NOL4: variants seen among roughly 807,000 people sequenced by gnomAD.
The protein encoded by NOL4 is cancer/testis antigen 125.
A neutral mutation model predicts 75.9 loss-of-function variants in NOL4; 17 were observed. The ratio of observed to expected loss-of-function variants is 0.22; its 90% CI spans 0.15 to 0.34. The LOEUF (loss-of-function observed/expected upper bound fraction) is 0.34. Ranked by LOEUF, NOL4 falls within the 10% of genes least tolerant of loss-of-function variation. NOL4 has a pLI of 1.00. For synonymous variants in NOL4, 292 were observed against 289.9 expected (o/e 1.01, Z -0.07); for missense variants, 614 against 793.5 (o/e 0.77, Z 2.72).
At chr18:34,144,980 A>G (rs2081339026) in intron 1 of NOL4, among the ~76,000 whole-genome samples, 1 of 152,094 alleles carries the variant, frequency 6.6e-6, no homozygotes, top group Non-Finnish European at 1.5e-5. Context: ...ACCATTATGG[A>G]GTAGATCACT....
intron 5 of NOL4, among the ~76,000 whole-genome samples, chr18:34,086,409 C>G (rs2145458308): frequency 6.6e-6 from 1 of 152,244 alleles, no homozygotes; most frequent in East Asian, 1.9e-4. Context: ...ACAACATAAT[C>G]TCTCCAGGGA....
chr18:33,929,187 TAGA>T (rs1454147463), intron 9 of NOL4, among the ~76,000 whole-genome samples: 1 of 152,184 alleles, frequency 6.6e-6, no homozygotes, highest in African/African-American at 2.4e-5. Flanking sequence ...CATAAGGACA[TAGA>T]AGACCCCTGC....
intron 10 of NOL4, among the ~76,000 whole-genome samples, chr18:33,880,240 T>C (rs2064180283): frequency 1.3e-5 from 2 of 151,952 alleles, no homozygotes; most frequent in Admixed American, 6.6e-5. Context: ...TGTGGTAGAG[T>C]TAGCTAATAC....
At chr18:34,034,032 G>C in intron 5 of NOL4, among the ~76,000 whole-genome samples, 1 of 152,110 alleles carries the variant, frequency 6.6e-6, no homozygotes, top group East Asian at 1.9e-4. Context: ...CTCCCTACGA[G>C]AAATGCTCAA....
chr18:34,040,327 T>A (rs2076087287), intron 5 of NOL4, among the ~76,000 whole-genome samples: 1 of 151,888 alleles, frequency 6.6e-6, no homozygotes, highest in Non-Finnish European at 1.5e-5. Flanking sequence ...ATACTTCACA[T>A]GAATATGTAA....
At chr18:34,118,816 A>T (rs116264497) in intron 2 of NOL4, among the ~76,000 whole-genome samples, 34 of 152,286 alleles carry the variant, frequency 2.2e-4, no homozygotes, top group African/African-American at 7.9e-4. Flanking sequence ...ATGAAAAAGG[A>T]TTAGCAGTGT....
At chr18:33,997,171 G>C (rs955847482) in intron 6 of NOL4, among the ~76,000 whole-genome samples, 2 of 151,906 alleles carry the variant, frequency 1.3e-5, no homozygotes, top group Non-Finnish European at 2.9e-5. Flanking sequence ...CAAAGCGGAT[G>C]TCCAGAAGGG....
At chr18:33,946,709 G>A (rs1317533310) in intron 8 of NOL4, among the ~76,000 whole-genome samples, 3 of 151,694 alleles carry the variant, frequency 2.0e-5, no homozygotes, top group Non-Finnish European at 3.0e-5. Flanking sequence ...AATGGTTGAA[G>A]TCCTTTAATA....
At chr18:33,929,364 A>G (rs905515249) in intron 9 of NOL4, among the ~76,000 whole-genome samples, 5 of 152,142 alleles carry the variant, frequency 3.3e-5, no homozygotes, top group Non-Finnish European at 5.9e-5. Context: ...TTCATTAATC[A>G]AAAGGTCTGC....
intron 4 of NOL4, among the ~76,000 whole-genome samples, chr18:34,099,951 C>T (rs920746291): frequency 1.3e-5 from 2 of 151,824 alleles, no homozygotes; most frequent in Non-Finnish European, 2.9e-5. Flanking sequence ...TTTTCCTGGT[C>T]AATTCACTCC....
intron 10 of NOL4, among the ~76,000 whole-genome samples, chr18:33,880,776 T>A (rs1406231857): frequency 3.9e-5 from 6 of 152,050 alleles, no homozygotes. Context: ...GCAGAATGGA[T>A]CACTATTTAG....
chr18:34,012,759 CA>C (rs1301834770), intron 6 of NOL4, among the ~76,000 whole-genome samples: 1 of 151,898 alleles, frequency 6.6e-6, no homozygotes, highest in Non-Finnish European at 1.5e-5. Flanking sequence ...ACATCAAAAG[CA>C]AAACTAATAT....
At chr18:33,917,255 ACT>A (rs1237098457) in intron 9 of NOL4, among the ~76,000 whole-genome samples, 1 of 151,886 alleles carries the variant, frequency 6.6e-6, no homozygotes, top group Non-Finnish European at 1.5e-5. Flanking sequence ...ATGCTGAACT[ACT>A]GTTCAGCAGC....
intron 5 of NOL4, among the ~76,000 whole-genome samples, chr18:34,045,502 C>T (rs185271631): frequency 3.3e-5 from 5 of 152,230 alleles, no homozygotes; most frequent in African/African-American, 1.2e-4. Flanking sequence ...TATATGTCAT[C>T]GAAAGAACAT....
chr18:33,865,557 C>T (rs2144376825), intron 10 of NOL4, among the ~76,000 whole-genome samples: 1 of 151,612 alleles, frequency 6.6e-6, no homozygotes, highest in African/African-American at 2.4e-5. Flanking sequence ...TGGGTCACTG[C>T]TATAAAAAAA....
At chr18:33,948,888 TAA>T (rs1268147584) in intron 8 of NOL4, among the ~76,000 whole-genome samples, 1 of 152,042 alleles carries the variant, frequency 6.6e-6, no homozygotes, top group Non-Finnish European at 1.5e-5. Flanking sequence ...AGTGCATTAT[TAA>T]GAGTGTGTTT....
chr18:33,906,699 T>C (rs532813495), intron 9 of NOL4, among the ~76,000 whole-genome samples: 1 of 152,220 alleles, frequency 6.6e-6, no homozygotes, highest in Non-Finnish European at 1.5e-5. Context: ...TGTAGTATTT[T>C]AGAACTTTTA....
intron 9 of NOL4, among the ~76,000 whole-genome samples, chr18:33,908,142 C>T (rs553995140): frequency 7.9e-5 from 12 of 152,168 alleles, no homozygotes; most frequent in Non-Finnish European, 1.5e-4. Flanking sequence ...AGATACTATG[C>T]ATTTTTCACA....
chr18:34,100,577 T>G (rs1201853084), intron 4 of NOL4, among the ~76,000 whole-genome samples: 1 of 152,240 alleles, frequency 6.6e-6, no homozygotes, highest in African/African-American at 2.4e-5. Context: ...TCCAGTTTTA[T>G]TCTAGTTCAC....
Sources: gnomAD v4.1 joint callset for allele counts (sites outside exome capture counted in the v4.1 genomes callset) on GRCh38, gnomAD v4.1.1 for gene constraint, MANE v1.5 for transcripts, NCBI Gene and HGNC (gene_info 2026-07-23, HGNC 2026-07-21) for gene names.